Variants in CACNA2D2 observed in about 807,000 individuals in gnomAD.
CACNA2D2 encodes calcium voltage-gated channel auxiliary subunit alpha2delta 2.
Under a neutral mutation model 166.4 loss-of-function variants are expected in CACNA2D2, and 48 were observed. The ratio of observed to expected loss-of-function variants is 0.29; its 90% CI spans 0.23 to 0.37. CACNA2D2 has a LOEUF of 0.37. Among genes scored for constraint, CACNA2D2 ranks in the 10% least tolerant of loss-of-function variants. CACNA2D2 has a pLI of 1.00. For synonymous variants in CACNA2D2, 561 were observed against 573.7 expected (o/e 0.98, Z 0.32); for missense variants, 1,122 against 1,433.0 (o/e 0.78, Z 3.50).
intron 1 of CACNA2D2, among the ~76,000 whole-genome samples, chr3:50,486,092 A>G (rs1698268509): frequency 6.6e-6 from 1 of 152,190 alleles, no homozygotes; most frequent in Admixed American, 6.5e-5. Flanking sequence ...ACAAACGGGT[A>G]AGCTGAGGCT....
chr3:50,379,783 G>A lies in CACNA2D2; in HGVS notation c.935C>T (p.Thr312Ile), dbSNP rs1248723015. 3 of 1,613,962 alleles carry A rather than the reference G, an allele frequency of 1.9e-6. No individual in the cohort carries two copies. Among genetic ancestry groups the A allele is most frequent in the Non-Finnish European group, 2.5e-6 (3 of 1,180,026 alleles). ...CGTGTCCAGCATCTCGCAGACAGATGTCTTCATCAGCTTCAGGGTCAGGCC... is the reference window on the plus strand; with the variant it reads ...CGTGTCCAGCATCTCGCAGACAGATATCTTCATCAGCTTCAGGGTCAGGCC... ...VSGLTLKLMK[T>I]SVCEMLDTLS... Residue 312 changes from threonine to isoleucine, a missense_variant, in exon 10 of 38, where the codon ACA (threonine) becomes ATA (isoleucine). By Grantham distance (89) the Thr-to-Ile change is moderately conservative (BLOSUM62 -1). This residue lies in a region of CACNA2D2 where 840 missense variants were observed against 1,166.8 expected (regional missense o/e 0.72). Coordinates refer to ENST00000424201, the MANE Select transcript of CACNA2D2 (RefSeq NM_006030.4). This position sits in a 1 kb window ranked among gnomAD's most constrained non-coding sequence, Gnocchi z 6.5.
intron 1 of CACNA2D2, among the ~76,000 whole-genome samples, chr3:50,484,759 C>T (rs976230719): frequency 6.6e-6 from 1 of 152,270 alleles, no homozygotes. Context: ...TTAGCCTCTG[C>T]CTTGGGCTGT....
intron 1 of CACNA2D2, among the ~76,000 whole-genome samples, chr3:50,493,183 T>C (rs1192426018): frequency 6.6e-6 from 1 of 152,118 alleles, no homozygotes; most frequent in African/African-American, 2.4e-5. Context: ...TGCTTCCCCA[T>C]CCTCCATCAC....
chr3:50,407,671 A>G (rs187311018), intron 3 of CACNA2D2, among the ~76,000 whole-genome samples: 2 of 152,318 alleles, frequency 1.3e-5, no homozygotes, highest in Admixed American at 1.3e-4. Context: ...CGGGGCTTCT[A>G]CTAGTCCCAG....
intron 1 of CACNA2D2, among the ~76,000 whole-genome samples, chr3:50,501,814 CAAATGAAAGACAATA>C (rs1473190204): frequency 1.3e-5 from 2 of 152,142 alleles, no homozygotes; most frequent in African/African-American, 4.8e-5. Context: ...TCCATCACGG[CAAATGAAAGACAATA>C]ACGCATCCAC....
intron 2 of CACNA2D2, among the ~76,000 whole-genome samples, chr3:50,443,793 T>C (rs1449806145): frequency 6.6e-6 from 1 of 152,192 alleles, no homozygotes; most frequent in African/African-American, 2.4e-5. Context: ...TAAAGCCCCC[T>C]TTACCCACCT....
intron 5 of CACNA2D2, among the ~76,000 whole-genome samples, chr3:50,385,788 C>T (rs929195143): frequency 2.0e-5 from 3 of 152,188 alleles, no homozygotes; most frequent in East Asian, 1.9e-4. Flanking sequence ...GACTGTGAGG[C>T]GTGCGCCACT....
chr3:50,363,469 T>TGTGTGTACACAGAGC lies in CACNA2D2; in HGVS notation c.*1196_*1197insGCTCTGTGTACACAC. 3.8e-6 allele frequency: 1 copy of TGTGTGTACACAGAGC among 260,804 alleles called. No homozygotes were observed. The highest frequency in any genetic ancestry group is 5.8e-5 in the Admixed American group (1 of 17,384). The allele number at this position is 260,804 out of a possible 1,614,324, so 16.2% of individuals were successfully genotyped here. On this transcript the variant is annotated 3_prime_UTR_variant, in exon 38 of 38. Transcript: ENST00000424201. ...AAGAGCTGTGCCCAGTCCCCACCTG[T>TGTGTGTACACAGAGC]GTGTGTGTGTGTGTGTGTGTGTTCA...
In CACNA2D2 at chr3:50,363,466, C is replaced by CTGTGTGTGTGCACAGAGCG. The variant is rs1553724510; in HGVS notation, c.*1199_*1200insCGCTCTGTGCACACACACA. The CTGTGTGTGTGCACAGAGCG allele has an allele frequency of 1.5e-3, 522 of 352,858 alleles. 1 individual carries two copies. The East Asian group carries it at 0.015, about 10-fold the overall frequency. 21.9% of individuals were successfully genotyped at this position (352,858 alleles called of 1,614,324 possible). On this transcript the variant is annotated 3_prime_UTR_variant, in exon 38 of 38. Transcript: ENST00000424201. ...GTGAAGAGCTGTGCCCAGTCCCCACCTGTGTGTGTGTGTGTGTGTGTGTGT... is the reference window on the plus strand; with the variant it reads ...GTGAAGAGCTGTGCCCAGTCCCCACCTGTGTGTGTGCACAGAGCGTGTGTGTGTGTGTGTGTGTGTGTGT...
At position 50,376,811 on chromosome 3, in the gene CACNA2D2, C is replaced by T. The variant is rs2106645369; in HGVS notation, c.1627-623G>A. ...CTGTTGTACATACCACACCTCTCCC[C>T]CTTCCACAGGCCAAGATGCAGACTC... On this transcript the variant is annotated intron_variant, in intron 17 of 37. Transcript: ENST00000424201. This position sits in a 1 kb window ranked among gnomAD's most constrained non-coding sequence, Gnocchi z 4.3. 6.6e-6 allele frequency among the ~76,000 whole-genome samples: 1 copy of T among 152,336 alleles called. No individual in the cohort carries two copies. Among genetic ancestry groups the T allele is most frequent in the East Asian group, 1.9e-4 (1 of 5,178 alleles).
Position 50,403,059 on chromosome 3 carries a change from G to A in CACNA2D2, c.406-8891C>T, listed in dbSNP as rs77483950. On this transcript the variant is annotated intron_variant, in intron 3 of 37. Transcript: ENST00000424201. The stretch of plus-strand genomic sequence containing the variant: ...CCTCCTCCCTTGTCCAGCCACAGAG[G>A]CCAAGGTACCCAAGTTCCTAGGGCT... 7.8e-3 allele frequency among the ~76,000 whole-genome samples: 1,190 copies of A among 152,258 alleles called. 130 individuals are homozygous for A. In the East Asian group the frequency reaches 0.2, roughly 26 times the overall value.
intron 1 of CACNA2D2, among the ~76,000 whole-genome samples, chr3:50,485,287 T>C (rs13090170): frequency 0.035 from 5,273 of 151,936 alleles, 154 homozygotes; most frequent in Non-Finnish European, 0.052. Flanking sequence ...CCAGACTCCA[T>C]GGGCTCTGCG....
In CACNA2D2 at chr3:50,379,755, C is replaced by A; in HGVS notation, c.963G>T (p.Leu321=). The A allele has an allele frequency of 6.2e-7, 1 of 1,613,970 alleles. No homozygotes were observed. Among genetic ancestry groups the A allele is most frequent in the Non-Finnish European group, 8.5e-7 (1 of 1,180,042 alleles). ...KTSVCEMLDT[L]SDDDYVNVAS... ...CCACATTCACATAGTCATCATCAGA[C>A]AGCGTGTCCAGCATCTCGCAGACAG... Residue 321 remains leucine (L), a synonymous_variant, in exon 10 of 38, where the codon CTG becomes CTT. Transcript: ENST00000424201. This position sits in a 1 kb window ranked among gnomAD's most constrained non-coding sequence, Gnocchi z 6.5.
chr3:50,389,454 A>G (rs1198413322), intron 4 of CACNA2D2, among the ~76,000 whole-genome samples: 1 of 152,190 alleles, frequency 6.6e-6, no homozygotes, highest in Non-Finnish European at 1.5e-5. Flanking sequence ...AGGACTGCAG[A>G]TTACAACCTG....
intron 2 of CACNA2D2, among the ~76,000 whole-genome samples, chr3:50,441,782 T>C (rs1188804221): frequency 6.6e-6 from 1 of 152,252 alleles, no homozygotes; most frequent in Non-Finnish European, 1.5e-5. Context: ...GGGAGAACAG[T>C]CCTAGAAGGA....
In CACNA2D2 at chr3:50,503,156, A is replaced by T. The variant is rs148156797; in HGVS notation, c.206+62T>A. 1,458 of 1,011,736 alleles carry T rather than the reference A, an allele frequency of 1.4e-3. 5 individuals are homozygous for T. Among genetic ancestry groups the T allele is most frequent in the Middle Eastern group, 0.011 (27 of 2,490 alleles). The allele number at this position is 1,011,736 out of a possible 1,614,324, so 62.7% of individuals were successfully genotyped here. On this transcript the variant is annotated intron_variant, in intron 1 of 37. Transcript: ENST00000424201. ...GGAGCGCAGGGAAGGAGTAGCGCGG[A>T]CCGGGGGCAGAGCGGGGCGCAAGGC...
rs1396540922 is a variant in CACNA2D2, at chr3:50,476,127, C to T, written c.279G>A (p.Gln93=). ...GTGGCACCGGGCTCACCTCACGGAG[C>T]TGCTGGACGCCTCCAAAAATCCGCA... The part of the protein sequence containing the change: ...GVMRIFGGVQ[Q]LREIYKDNRN... The change falls in exon 2 of 38, where the codon CAG becomes CAA. Residue 93 remains glutamine (Q), a synonymous_variant. Transcript: ENST00000424201. 1 of 1,600,670 alleles carries T rather than the reference C, an allele frequency of 6.2e-7. No homozygotes were observed. The highest frequency in any genetic ancestry group is 8.5e-7 in the Non-Finnish European group (1 of 1,174,014).
chr3:50,464,734 C>A (rs934310352), intron 2 of CACNA2D2, among the ~76,000 whole-genome samples: 1 of 152,204 alleles, frequency 6.6e-6, no homozygotes, highest in Non-Finnish European at 1.5e-5. Flanking sequence ...GGCTCCTCTA[C>A]CACTTAGCAA....
Position 50,379,346 on chromosome 3 carries a change from G to C in CACNA2D2, c.1152+86C>G, listed in dbSNP as rs587637384. The C allele has an allele frequency of 3.2e-5, 49 of 1,531,394 alleles. No homozygotes were observed. The highest frequency in any genetic ancestry group is 3.6e-5 in the Non-Finnish European group (40 of 1,118,100). 94.9% of individuals were successfully genotyped at this position (1,531,394 alleles called of 1,614,324 possible). On this transcript the variant is annotated intron_variant, in intron 11 of 37. Coordinates refer to ENST00000424201, the MANE Select transcript of CACNA2D2 (RefSeq NM_006030.4). This position sits in a 1 kb window ranked among gnomAD's most constrained non-coding sequence, Gnocchi z 6.5. ...TCCAAGCTGCCTGTTTGGTGCTAAC[G>C]AGGCCATCCGTCTTGATTTCCTGGG... is the stretch of plus-strand genomic sequence containing the variant.
Sources: allele counts gnomAD v4.1 joint callset (sites outside exome capture counted in the v4.1 genomes callset), GRCh38; gene constraint gnomAD v4.1.1; regional missense constraint gnomAD v4.1.1; non-coding constraint Gnocchi (gnomAD v3.1); transcripts MANE v1.5; gene names NCBI Gene and HGNC (gene_info 2026-07-23, HGNC 2026-07-21).